The following STK39 variants were observed in gnomAD, a reference collection of about 807,000 sequenced individuals.
STK39 encodes serine/threonine kinase 39, also known as STE20/SPS1-related proline-alanine-rich protein kinase.
In STK39, 20 loss-of-function variants were observed where a neutral mutation model predicts 77.8. That is an observed-to-expected ratio of 0.26 (90% confidence interval 0.18 to 0.37). The LOEUF (loss-of-function observed/expected upper bound fraction) is 0.37. Among genes scored for constraint, STK39 ranks in the 10% least tolerant of loss-of-function variants. STK39 has a pLI of 1.00. For synonymous variants in STK39, 246 were observed against 234.1 expected (o/e 1.05, Z -0.47); for missense variants, 479 against 656.5 (o/e 0.73, Z 2.95).
intron 10 of STK39, among the ~76,000 whole-genome samples, chr2:168,125,779 T>C (rs1173231651): frequency 1.3e-5 from 2 of 152,228 alleles, no homozygotes; most frequent in African/African-American, 4.8e-5. Flanking sequence ...TTCCATTTTC[T>C]ATTTTTTCGT....
chr2:168,073,581 T>A (rs890182272), intron 12 of STK39, among the ~76,000 whole-genome samples: 5 of 152,048 alleles, frequency 3.3e-5, no homozygotes, highest in Admixed American at 6.6e-5. Context: ...CACGTGGGGC[T>A]CATCACCCCT....
At chr2:168,198,195 G>A (rs1689523640) in intron 1 of STK39, among the ~76,000 whole-genome samples, 1 of 151,994 alleles carries the variant, frequency 6.6e-6, no homozygotes, top group African/African-American at 2.4e-5. Flanking sequence ...CACATTTATA[G>A]CCACAATAAT....
intron 16 of STK39, among the ~76,000 whole-genome samples, chr2:167,996,357 C>A (rs546105590): frequency 6.6e-6 from 1 of 152,182 alleles, no homozygotes; most frequent in Admixed American, 6.5e-5. Context: ...TTTGCAGACA[C>A]AACTCACTTT....
intron 1 of STK39, among the ~76,000 whole-genome samples, chr2:168,243,490 T>C (rs1016525948): frequency 6.6e-6 from 1 of 152,194 alleles, no homozygotes; most frequent in African/African-American, 2.4e-5. Flanking sequence ...TAGGTCATTC[T>C]AAATGACCAC....
chr2:168,190,185 G>GT (rs1359493021), intron 1 of STK39, among the ~76,000 whole-genome samples: 4 of 152,132 alleles, frequency 2.6e-5, no homozygotes, highest in Non-Finnish European at 5.9e-5. Flanking sequence ...GCCTCCAAGA[G>GT]TGTTGGCTAA....
At chr2:168,090,908 C>T (rs540539644) in intron 10 of STK39, among the ~76,000 whole-genome samples, 1 of 152,244 alleles carries the variant, frequency 6.6e-6, no homozygotes, top group South Asian at 2.1e-4. Flanking sequence ...CTTGAAGATA[C>T]TGCGAGGAAA....
At chr2:168,229,548 T>C (rs1034067264) in intron 1 of STK39, among the ~76,000 whole-genome samples, 6 of 152,200 alleles carry the variant, frequency 3.9e-5, no homozygotes, top group African/African-American at 1.4e-4. Context: ...TCTATCCTAA[T>C]AGGCTAGCAA....
chr2:168,061,490 T>C (rs1438109132), intron 14 of STK39, among the ~76,000 whole-genome samples: 1 of 152,216 alleles, frequency 6.6e-6, no homozygotes, highest in Admixed American at 6.5e-5. Context: ...TGCGTGTGTG[T>C]GCACATGCAC....
intron 10 of STK39, among the ~76,000 whole-genome samples, chr2:168,123,021 A>C (rs770501659): frequency 2.6e-5 from 4 of 152,240 alleles, no homozygotes; most frequent in Non-Finnish European, 5.9e-5. Context: ...CCAGTAAAGG[A>C]ATAAATCAAT....
At chr2:168,210,257 A>G (rs1166744618) in intron 1 of STK39, among the ~76,000 whole-genome samples, 2 of 152,184 alleles carry the variant, frequency 1.3e-5, no homozygotes, top group African/African-American at 4.8e-5. Flanking sequence ...TATCACCTGC[A>G]ATTTTAAAAA....
intron 16 of STK39, among the ~76,000 whole-genome samples, chr2:167,972,027 T>C (rs1409551138): frequency 6.6e-6 from 1 of 152,214 alleles, no homozygotes; most frequent in Non-Finnish European, 1.5e-5. Flanking sequence ...TTGAGAGGCT[T>C]TTTGCCTGTG....
chr2:168,007,810 C>T lies in STK39; in HGVS notation c.1498+4824G>A, dbSNP rs141508681. On this transcript the variant is annotated intron_variant, in intron 16 of 17. Coordinates refer to ENST00000355999, the MANE Select transcript of STK39 (RefSeq NM_013233.3). The stretch of plus-strand genomic sequence containing the variant: ...GGGACACAGTGCAGAGGACTGGAAG[C>T]CATGGTGATTGTGGGTGGAGAACCA... Among the ~76,000 whole-genome samples, 242 of 152,160 alleles carry T rather than the reference C, an allele frequency of 1.6e-3. 1 individual carries two copies. Among genetic ancestry groups the T allele is most frequent in the African/African-American group, 5.3e-3 (220 of 41,510 alleles).
At chr2:168,067,325 CT>C (rs1372132081) in intron 12 of STK39, among the ~76,000 whole-genome samples, 9 of 152,184 alleles carry the variant, frequency 5.9e-5, no homozygotes, top group Non-Finnish European at 1.2e-4. Context: ...GGGCCATTCC[CT>C]TGGTGATAAG....
chr2:168,005,645 G>T (rs16854519), intron 16 of STK39, among the ~76,000 whole-genome samples: 1 of 152,004 alleles, frequency 6.6e-6, no homozygotes, highest in Non-Finnish European at 1.5e-5. Context: ...GATGCCTTCA[G>T]CCTCCACACA....
intron 10 of STK39, 87 bp from the exon 11 acceptor site, chr2:168,075,318 C>T (rs16854649): frequency 6.4e-7 from 1 of 1,557,584 alleles, no homozygotes; most frequent in Non-Finnish European, 8.7e-7. Flanking sequence ...ACGGCATACA[C>T]ACCAACCTGA....
At chr2:168,153,778 A>T (rs1688353869) in intron 5 of STK39, among the ~76,000 whole-genome samples, 2 of 152,180 alleles carry the variant, frequency 1.3e-5, no homozygotes, top group South Asian at 4.1e-4. Context: ...CATGCAAGGT[A>T]AGGAGGCCGA....
chr2:168,045,555 A>T (rs988217739), intron 14 of STK39, among the ~76,000 whole-genome samples: 5 of 152,224 alleles, frequency 3.3e-5, no homozygotes, highest in African/African-American at 1.2e-4. Context: ...TTTCAAGGAC[A>T]AAGTTTATGT....
At chr2:167,955,689 A>G (rs542775329) in intron 17 of STK39, 119 bp from the exon 18 acceptor site, 4 of 938,020 alleles carry the variant, frequency 4.3e-6, no homozygotes, top group Non-Finnish European at 6.4e-6. Flanking sequence ...CATGTGTCCC[A>G]TTTCTTCCAG....
chr2:168,013,525 G>A (rs1282018535), intron 15 of STK39, among the ~76,000 whole-genome samples: 1 of 152,234 alleles, frequency 6.6e-6, no homozygotes, highest in Non-Finnish European at 1.5e-5. Flanking sequence ...CAAGAGAGCT[G>A]ACTTGGTCCC....
Sources: gnomAD v4.1 joint callset for allele counts (sites outside exome capture counted in the v4.1 genomes callset) on GRCh38, gnomAD v4.1.1 for gene constraint, MANE v1.5 for transcripts, NCBI Gene and HGNC (gene_info 2026-07-23, HGNC 2026-07-21) for gene names.